The following DERL1 variants were observed in gnomAD, a reference collection of about 807,000 sequenced individuals.
The protein encoded by DERL1 is derlin 1.
DERL1 carries 24 observed loss-of-function variants against 41.6 expected under a neutral mutation model. The observed-to-expected ratio is 0.58, with a 90% CI of 0.42 to 0.81. The LOEUF (loss-of-function observed/expected upper bound fraction) is 0.81. Among genes scored for constraint, DERL1 ranks in the 30% least tolerant of loss-of-function variants. DERL1 has a pLI of 0.00. For missense variants in DERL1, 260 were observed against 314.3 expected, an observed-to-expected ratio of 0.83 and a Z score of 1.31; for synonymous variants, 124 against 112.5, an observed-to-expected ratio of 1.10 and a Z score of -0.65.
rs756713761 is a variant in DERL1, at chr8:123,021,447, G to A, written c.506C>T (p.Ser169Leu). Reference sequence around the variant, plus strand: ...ATTAAATAAATCTAATATCACTTACGAGCCTCCGATGATATAGTTGAATCC... The same window carrying A: ...ATTAAATAAATCTAATATCACTTACAAGCCTCCGATGATATAGTTGAATCC... The part of the protein sequence containing the change: ...ILGFNYIIGG[S>L]VINELIGNLV... Residue 169 changes from serine (S) to leucine (L), a missense_variant and splice_region_variant, in exon 6 of 8, where the codon TCG becomes TTG. Ser to Leu is a moderately radical substitution (Grantham distance 145). Transcript: ENST00000259512. 8.7e-6 allele frequency: 14 copies of A among 1,612,732 alleles called. No individual in the cohort carries two copies. In the Admixed American group the frequency reaches 1.2e-4, roughly 13 times the overall value.
intron 2 of DERL1, among the ~76,000 whole-genome samples, chr8:123,025,286 TG>T (rs1168922781): frequency 6.6e-6 from 1 of 152,192 alleles, no homozygotes; most frequent in African/African-American, 2.4e-5. Flanking sequence ...TTCCAGTAAG[TG>T]ACATGCTCTG....
intron 2 of DERL1, among the ~76,000 whole-genome samples, chr8:123,027,774 G>C (rs1302776091): frequency 6.6e-6 from 1 of 152,082 alleles, no homozygotes; most frequent in Non-Finnish European, 1.5e-5. Flanking sequence ...AATAAAAGTG[G>C]CCATTGGCCA....
intron 2 of DERL1, among the ~76,000 whole-genome samples, chr8:123,028,700 T>G (rs560325534): frequency 6.6e-6 from 1 of 152,190 alleles, no homozygotes; most frequent in Non-Finnish European, 1.5e-5. Context: ...AGAATAAAAT[T>G]TTAAATAACT....
chr8:123,032,758 T>A (rs1217791805), intron 1 of DERL1, among the ~76,000 whole-genome samples: 1 of 152,242 alleles, frequency 6.6e-6, no homozygotes, highest in Non-Finnish European at 1.5e-5. Flanking sequence ...ACTACTTTCA[T>A]TGAACGTTTA....
At chr8:123,019,141 G>A in intron 7 of DERL1, 54 bp downstream of exon 7, 1 of 1,194,964 alleles carries the variant, frequency 8.4e-7, no homozygotes, top group Non-Finnish European at 1.2e-6. Flanking sequence ...TCATTAGGAT[G>A]CACTAAGAAC....
chr8:123,035,125 A>G (rs944494734), intron 1 of DERL1, among the ~76,000 whole-genome samples: 1 of 152,082 alleles, frequency 6.6e-6, no homozygotes, highest in Non-Finnish European at 1.5e-5. Context: ...GTCTGACTAC[A>G]TTTTCTCTAA....
At chr8:123,037,030 G>C (rs901963719) in intron 1 of DERL1, among the ~76,000 whole-genome samples, 3 of 152,154 alleles carry the variant, frequency 2.0e-5, no homozygotes, top group Admixed American at 2.0e-4. Flanking sequence ...AGACAAAGCA[G>C]AATAATCATC....
At chr8:123,030,931 T>C (rs1001384472) in intron 1 of DERL1, among the ~76,000 whole-genome samples, 3 of 152,290 alleles carry the variant, frequency 2.0e-5, no homozygotes, top group Admixed American at 6.5e-5. Flanking sequence ...CATCATAAAA[T>C]AAGCAACAAA....
At chr8:123,027,588 G>C (rs1403835207) in intron 2 of DERL1, among the ~76,000 whole-genome samples, 1 of 152,132 alleles carries the variant, frequency 6.6e-6, no homozygotes, top group Non-Finnish European at 1.5e-5. Flanking sequence ...TTGTTGAGTA[G>C]GGAATGAGGA....
chr8:123,037,332 C>T (rs79535665), intron 1 of DERL1, among the ~76,000 whole-genome samples: 5 of 152,128 alleles, frequency 3.3e-5, no homozygotes, highest in Non-Finnish European at 5.9e-5. Flanking sequence ...GAGTGTCTTA[C>T]AATCAATACA....
intron 2 of DERL1, chr8:123,030,334 T>C: frequency 3.5e-6 from 1 of 281,918 alleles, no homozygotes; most frequent in Non-Finnish European, 6.6e-6. Context: ...GCTCAGCCAC[T>C]AAGGAGATGG....
chr8:123,017,039 CAT>C (rs1814595085), intron 7 of DERL1: 1 of 152,104 alleles, frequency 6.6e-6, no homozygotes, highest in South Asian at 2.1e-4. Context: ...AGGGTTTCAC[CAT>C]GTTAGCCAGG....
rs528263335 is a variant in DERL1 at position 123,021,969 on chromosome 8, C to T, written c.454-470G>A. Among the ~76,000 whole-genome samples, 196 of 152,264 alleles carry T rather than the reference C, an allele frequency of 1.3e-3. 1 individual carries two copies. Among genetic ancestry groups the T allele is most frequent in the Admixed American group, 1.1e-3 (17 of 15,292 alleles). ...TCTCATTATGCATTGATATCTTAAA[C>T]TAATACTCTCCCAAATAAGAAAGCT... On this transcript the variant is annotated intron_variant, in intron 5 of 7. Transcript: ENST00000259512.
intron 7 of DERL1, chr8:123,016,352 A>G (rs1331942162): frequency 6.6e-6 from 1 of 152,226 alleles, no homozygotes; most frequent in Non-Finnish European, 1.5e-5. Flanking sequence ...TCCACTTAGC[A>G]GATCCTAATG....
At position 123,021,517 on chromosome 8, in the gene DERL1, T is replaced by C. The variant is rs1299617676; in HGVS notation, c.454-18A>G. 1 of 1,611,950 alleles carries C rather than the reference T, an allele frequency of 6.2e-7. No homozygotes were observed. Among genetic ancestry groups the C allele is most frequent in the East Asian group, 2.2e-5 (1 of 44,866 alleles). On this transcript the variant is annotated intron_variant, in intron 5 of 7. Transcript: ENST00000259512. ...TAGCAGGCCTAGGATGGAATGAATA[T>C]ATGCAAATGTGAGTAGCCACACCTG...
At chr8:123,024,759 C>T (rs1162918586) in intron 3 of DERL1, among the ~76,000 whole-genome samples, 1 of 152,134 alleles carries the variant, frequency 6.6e-6, no homozygotes, top group Non-Finnish European at 1.5e-5. Context: ...CATAAAACTA[C>T]TCAACCAAAG....
rs895061380 is a variant in DERL1 at position 123,014,489 on chromosome 8, C to T, written c.*958G>A. 2.0e-5 allele frequency: 3 copies of T among 152,650 alleles called. No individual in the cohort carries two copies. Among genetic ancestry groups the T allele is most frequent in the Admixed American group, 6.5e-5 (1 of 15,282 alleles). The allele number at this position is 152,650 out of a possible 1,614,324, so 9.5% of individuals were successfully genotyped here. A position where few individuals can be genotyped will look rare whatever the true frequency, so the allele number is the denominator to read the frequency against. On this transcript the variant is annotated 3_prime_UTR_variant, in exon 8 of 8. Transcript: ENST00000259512. ...GGTCTCTCCTCCTTTACTCAATGAA[C>T]ACATATCCAGAATGAGATTGAAATG...
intron 2 of DERL1, among the ~76,000 whole-genome samples, chr8:123,029,530 A>G (rs1812775343): frequency 1.3e-5 from 2 of 152,206 alleles, no homozygotes; most frequent in Admixed American, 6.5e-5. Context: ...ACTTAAGGGT[A>G]GTTCAGAGTT....
At chr8:123,041,122 G>A (rs886382780) in intron 1 of DERL1, among the ~76,000 whole-genome samples, 1 of 152,190 alleles carries the variant, frequency 6.6e-6, no homozygotes, top group Non-Finnish European at 1.5e-5. Context: ...ACATTTAAAA[G>A]TCAGGAAGAT....
Sources: allele counts gnomAD v4.1 joint callset (sites outside exome capture counted in the v4.1 genomes callset), GRCh38; gene constraint gnomAD v4.1.1; transcripts MANE v1.5; gene names NCBI Gene and HGNC (gene_info 2026-07-23, HGNC 2026-07-21).